DNAJC3: variants seen among roughly 807,000 people sequenced by gnomAD.
DNAJC3 encodes the protein dnaJ homolog subfamily C member 3.
Under a neutral mutation model 68.6 loss-of-function variants are expected in DNAJC3, and 38 were observed. The observed-to-expected ratio is 0.55, with a 90% CI of 0.43 to 0.73. The LOEUF (loss-of-function observed/expected upper bound fraction) is 0.73. Among genes scored for constraint, DNAJC3 ranks in the 30% least tolerant of loss-of-function variants. The pLI is 0.00. For synonymous variants in DNAJC3, 203 were observed against 204.0 expected, an observed-to-expected ratio of 1.00 and a Z score of 0.04; for missense variants, 526 against 591.9, an observed-to-expected ratio of 0.89 and a Z score of 1.16.
intron 11 of DNAJC3, 130 bp from the exon 12 acceptor site, chr13:95,790,743 C>CACA (rs1166937847): frequency 1.9e-6 from 2 of 1,053,354 alleles, no homozygotes; most frequent in African/African-American, 1.7e-5. Context: ...GAATGTCAGG[C>CACA]ACAACTCTTG....
chr13:95,725,848 CG>C, intron 4 of DNAJC3, among the ~76,000 whole-genome samples: 1 of 131,052 alleles, frequency 7.6e-6, no homozygotes, highest in Non-Finnish European at 1.6e-5. Context: ...CAACAGTCCC[CG>C]GAGTGTGATG....
intron 4 of DNAJC3, among the ~76,000 whole-genome samples, chr13:95,747,906 C>T (rs1286649087): frequency 1.3e-5 from 2 of 152,112 alleles, no homozygotes. Context: ...TGAGATAGTC[C>T]AGAGAAAAAT....
chr13:95,696,961 C>G (rs1332376605), intron 1 of DNAJC3, among the ~76,000 whole-genome samples: 1 of 152,014 alleles, frequency 6.6e-6, no homozygotes, highest in African/African-American at 2.4e-5. Flanking sequence ...TAGCCAGTGT[C>G]TTGTTTTTTT....
At chr13:95,785,111 G>A (rs1883560781) in intron 9 of DNAJC3, among the ~76,000 whole-genome samples, 1 of 152,148 alleles carries the variant, frequency 6.6e-6, no homozygotes, top group African/African-American at 2.4e-5. Flanking sequence ...ATTGTGGACA[G>A]TTCCTTCTGT....
At chr13:95,716,473 A>G (rs2139634037) in intron 2 of DNAJC3, among the ~76,000 whole-genome samples, 1 of 152,244 alleles carries the variant, frequency 6.6e-6, no homozygotes, top group East Asian at 1.9e-4. Context: ...CCTCTCCCTT[A>G]TTGCAAGGAC....
At chr13:95,727,927 T>A (rs910369388) in intron 4 of DNAJC3, among the ~76,000 whole-genome samples, 1 of 152,216 alleles carries the variant, frequency 6.6e-6, no homozygotes, top group African/African-American at 2.4e-5. Flanking sequence ...CTAGTCATAC[T>A]TTCTGGCATC....
chr13:95,778,248 T>C (rs1424511216), intron 9 of DNAJC3, among the ~76,000 whole-genome samples: 1 of 152,178 alleles, frequency 6.6e-6, no homozygotes, highest in African/African-American at 2.4e-5. Context: ...GACATTACAC[T>C]TAATAATGTC....
intron 1 of DNAJC3, chr13:95,694,947 A>G (rs995790352): frequency 1.3e-5 from 2 of 152,632 alleles, no homozygotes; most frequent in East Asian, 3.8e-4. Context: ...CTATAGCAAC[A>G]GCGTTTATAG....
At chr13:95,773,463 C>T (rs1272483935) in intron 9 of DNAJC3, among the ~76,000 whole-genome samples, 2 of 151,574 alleles carry the variant, frequency 1.3e-5, no homozygotes, top group African/African-American at 2.4e-5. Context: ...TAAGTCACTG[C>T]ACCTGGCCTT....
intron 1 of DNAJC3, among the ~76,000 whole-genome samples, chr13:95,687,908 G>A (rs968929595): frequency 6.6e-6 from 1 of 152,180 alleles, no homozygotes; most frequent in African/African-American, 2.4e-5. Context: ...CAACCTGTGA[G>A]CATGGAATGT....
chr13:95,772,283 C>G (rs912581838), intron 9 of DNAJC3, among the ~76,000 whole-genome samples: 1 of 152,150 alleles, frequency 6.6e-6, no homozygotes, highest in Non-Finnish European at 1.5e-5. Context: ...CACACTTTAT[C>G]TACTGTCATA....
At chr13:95,781,668 A>AT (rs1805906755) in intron 9 of DNAJC3, among the ~76,000 whole-genome samples, 3 of 152,128 alleles carry the variant, frequency 2.0e-5, no homozygotes. Flanking sequence ...TTGGGATAAG[A>AT]TTTTTTAGAT....
At chr13:95,777,742 C>T (rs1417126624) in intron 9 of DNAJC3, among the ~76,000 whole-genome samples, 2 of 151,956 alleles carry the variant, frequency 1.3e-5, no homozygotes, top group Non-Finnish European at 2.9e-5. Context: ...CTTCAGTATC[C>T]CACTTTCAGT....
chr13:95,790,997 C>T lies in DNAJC3; in HGVS notation c.1482C>T (p.Gly494=), dbSNP rs762177255. The T allele has an allele frequency of 1.4e-5, 23 of 1,613,562 alleles. 1 individual carries two copies. The South Asian group carries it at 1.4e-4, about 10-fold the overall frequency. Residue 494 remains glycine, a synonymous_variant, in exon 12 of 12, where the codon GGC becomes GGT. Coordinates refer to ENST00000602402, the MANE Select transcript of DNAJC3 (RefSeq NM_006260.5). ...AAGGGTTCAATCCCTTCAGCTCAGG[C>T]GGACCATTTAGATTTAAATTCCACT... ...SWQGFNPFSS[G]GPFRFKFHFN
chr13:95,698,738 T>G (rs568812372), intron 1 of DNAJC3, among the ~76,000 whole-genome samples: 1 of 152,272 alleles, frequency 6.6e-6, no homozygotes, highest in South Asian at 2.1e-4. Context: ...TGGGCAAGTG[T>G]GGGAGACCAT....
intron 4 of DNAJC3, among the ~76,000 whole-genome samples, chr13:95,728,532 ATTG>A (rs1881601442): frequency 6.6e-6 from 1 of 151,876 alleles, no homozygotes; most frequent in East Asian, 1.9e-4. Flanking sequence ...TTGCTTTTTT[ATTG>A]TTGTGTTTTA....
At position 95,785,992 on chromosome 13, in the gene DNAJC3, C is replaced by T. The variant is rs1403662008; in HGVS notation, c.1129C>T (p.Arg377Ter). Residue 377 changes from arginine to a stop codon, truncating the protein, a stop_gained, in exon 10 of 12, where the codon CGA (arginine) becomes TGA (stop). Coordinates refer to ENST00000602402, the MANE Select transcript of DNAJC3 (RefSeq NM_006260.5). LOFTEE classifies it high-confidence loss of function. ...QEHNENDQQI[R>*]EGLEKAQRLL... ...ACACAATGAAAATGATCAGCAGATT[C>T]GAGAAGGTCTAGAGAAAGCACAAAG... 1.2e-6 allele frequency: 2 copies of T among 1,610,750 alleles called. No homozygotes were observed. Among genetic ancestry groups the T allele is most frequent in the Non-Finnish European group, 1.7e-6 (2 of 1,178,582 alleles).
intron 4 of DNAJC3, among the ~76,000 whole-genome samples, chr13:95,753,155 C>A (rs1882534549): frequency 6.6e-6 from 1 of 152,152 alleles, no homozygotes; most frequent in Non-Finnish European, 1.5e-5. Context: ...TCTGTTCTTT[C>A]CGTATGGTTG....
intron 4 of DNAJC3, among the ~76,000 whole-genome samples, chr13:95,731,496 T>G (rs1367551221): frequency 1.3e-5 from 2 of 152,188 alleles, no homozygotes; most frequent in Admixed American, 1.3e-4. Flanking sequence ...TGTTTAGAGT[T>G]TTTGTCCTGA....
Sources: allele counts gnomAD v4.1 joint callset (sites outside exome capture counted in the v4.1 genomes callset), GRCh38; gene constraint gnomAD v4.1.1; transcripts MANE v1.5; gene names NCBI Gene and HGNC (gene_info 2026-07-23, HGNC 2026-07-21).